Variants in EIF4G3 observed in about 807,000 individuals in gnomAD.
The protein encoded by EIF4G3 is eukaryotic translation initiation factor 4 gamma 3, also known as eIF-4-gamma 3.
Under a neutral mutation model 186.4 loss-of-function variants are expected in EIF4G3, and 34 were observed. The ratio of observed to expected loss-of-function variants is 0.18; its 90% confidence interval spans 0.14 to 0.24. The LOEUF (loss-of-function observed/expected upper bound fraction) is 0.24. Ranked by LOEUF, EIF4G3 falls within the 10% of genes least tolerant of loss-of-function variation. The probability of loss-of-function intolerance (pLI) is 1.00; values close to 1 mark genes in which losing one functional copy is unlikely to be tolerated. For synonymous variants in EIF4G3, 673 were observed against 679.5 expected (o/e 0.99, Z 0.15); for missense variants, 1,536 against 1,948.5 (o/e 0.79, Z 3.99).
intron 3 of EIF4G3, among the ~76,000 whole-genome samples, chr1:21,056,551 T>C (rs1052366802): frequency 6.6e-6 from 1 of 152,166 alleles, no homozygotes; most frequent in Non-Finnish European, 1.5e-5. Flanking sequence ...GCTAATAAAA[T>C]TGTCATAGAT....
chr1:20,961,414 G>A lies in EIF4G3; in HGVS notation c.714+8060C>T, dbSNP rs77180348. Among the ~76,000 whole-genome samples the A allele has an allele frequency of 5.6e-3, 854 of 152,176 alleles. 13 individuals are homozygous for A. The highest frequency in any genetic ancestry group is 0.024 in the East Asian group (126 of 5,188). Reference sequence around the variant, plus strand: ...TAATAATAATAATTTTTATTACTGCGTAACAGATGTACACAGTTTCAGTGT... The same window carrying A: ...TAATAATAATAATTTTTATTACTGCATAACAGATGTACACAGTTTCAGTGT... On this transcript the variant is annotated intron_variant, in intron 12 of 36. Transcript: ENST00000602326.
intron 20 of EIF4G3, among the ~76,000 whole-genome samples, chr1:20,868,090 C>CTTTTTTTTTTTTTTTTTTTTTTTTT (rs66560662): frequency 1.1e-5 from 1 of 90,416 alleles, no homozygotes; most frequent in East Asian, 4.0e-4. Context: ...TGGTGATTTT[C>CTTTTTTTTTTTTTTTTTTTTTTTTT]TTTTTTTTTT....
chr1:21,117,733 T>C (rs886213476), intron 2 of EIF4G3, among the ~76,000 whole-genome samples: 29 of 29,440 alleles, frequency 9.9e-4, no homozygotes, highest in Admixed American at 4.0e-3. Flanking sequence ...TCCCAGTATA[T>C]AGTAAAAAAA....
rs139177133 is a variant in EIF4G3 at position 20,814,150 on chromosome 1, G to C, written c.4516-911C>G. ...CTCAGCTAATTTTTTAGTACTTTTA[G>C]TAGAGATGGGGTTTCACTATGTTGG... On this transcript the variant is annotated intron_variant, in intron 34 of 36. Transcript: ENST00000602326. Among the ~76,000 whole-genome samples the C allele has an allele frequency of 5.8e-3, 882 of 151,784 alleles. 8 individuals carry two copies. The highest frequency in any genetic ancestry group is 0.029 in the South Asian group (139 of 4,800).
Position 20,886,289 on chromosome 1 carries a change from T to C in EIF4G3, c.2336A>G (p.Asp779Gly). The change falls in exon 19 of 37, where the codon GAT (aspartate) becomes GGT (glycine). Residue 779 changes from aspartate (D) to glycine (G), a missense_variant. By Grantham distance (94) the Asp-to-Gly change is moderately conservative. Around this residue, in one of 11 missense-constraint regions of EIF4G3, gnomAD observed 139 missense variants for 192.8 expected, o/e 0.72. Coordinates refer to ENST00000602326, the MANE Select transcript of EIF4G3 (RefSeq NM_001391906.1). Reference sequence around the variant, plus strand: ...ATTTTCTGCCTTTTTCAGGTGTACATCTTCTTTTACAGAAACTGTGATGAT... The same window carrying C: ...ATTTTCTGCCTTTTTCAGGTGTACACCTTCTTTTACAGAAACTGTGATGAT... ...RKIITVSVKE[D>G]VHLKKAENAW... is the part of the protein sequence containing the mutation. The C allele has an allele frequency of 6.2e-7, 1 of 1,614,146 alleles. No homozygotes were observed. Among genetic ancestry groups the C allele is most frequent in the South Asian group, 1.1e-5 (1 of 91,076 alleles).
intron 4 of EIF4G3, among the ~76,000 whole-genome samples, chr1:21,020,605 G>T (rs190336656): frequency 1.3e-5 from 2 of 152,290 alleles, no homozygotes; most frequent in East Asian, 3.9e-4. Context: ...CATTTCAAAC[G>T]ATGTCCAAGT....
intron 31 of EIF4G3, 65 bp downstream of exon 31, chr1:20,829,082 A>C: frequency 1.3e-6 from 2 of 1,545,202 alleles, no homozygotes; most frequent in Non-Finnish European, 1.8e-6. Flanking sequence ...TATGATAGAG[A>C]GCTAGCAAGT....
intron 4 of EIF4G3, among the ~76,000 whole-genome samples, chr1:21,047,449 C>A (rs1317656689): frequency 3.3e-5 from 5 of 152,144 alleles, no homozygotes; most frequent in Non-Finnish European, 1.5e-5. Context: ...AAGTCTCATT[C>A]CTCACCTTCC....
intron 14 of EIF4G3, among the ~76,000 whole-genome samples, chr1:20,910,565 A>C (rs1432673913): frequency 6.6e-6 from 1 of 152,242 alleles, no homozygotes; most frequent in East Asian, 1.9e-4. Flanking sequence ...CCTGGGCGAC[A>C]GTGTGAGACT....
chr1:21,101,562 G>GAAAAAGAAA (rs769715669), intron 2 of EIF4G3, among the ~76,000 whole-genome samples: 1 of 35,370 alleles, frequency 2.8e-5, no homozygotes, highest in Non-Finnish European at 5.3e-5. Flanking sequence ...AGGGTCTCAG[G>GAAAAAGAAA]AAAAAAAAAA....
intron 3 of EIF4G3, among the ~76,000 whole-genome samples, chr1:21,087,478 A>G (rs1459848851): frequency 1.3e-5 from 2 of 152,108 alleles, no homozygotes; most frequent in African/African-American, 4.8e-5. Flanking sequence ...CCCTTCATTT[A>G]TGAATTTGAA....
At chr1:20,875,916 G>C (rs2080630591) in intron 20 of EIF4G3, among the ~76,000 whole-genome samples, 1 of 151,868 alleles carries the variant, frequency 6.6e-6, no homozygotes, top group Non-Finnish European at 1.5e-5. Flanking sequence ...AAAGGAAAGG[G>C]AAGGGGAAGG....
At chr1:20,815,516 T>G (rs1374156598) in intron 34 of EIF4G3, among the ~76,000 whole-genome samples, 1 of 147,856 alleles carries the variant, frequency 6.8e-6, no homozygotes, top group Non-Finnish European at 1.5e-5. Context: ...GGCCGCCCCG[T>G]CTGAGAAGTG....
Position 20,857,408 on chromosome 1 carries a change from T to C in EIF4G3, c.3334A>G (p.Thr1112Ala), listed in dbSNP as rs752648529. The C allele has an allele frequency of 1.9e-6, 3 of 1,613,618 alleles. No individual in the cohort carries two copies. In the Admixed American group the frequency reaches 5.0e-5, roughly 27 times the overall value. Residue 1112 changes from threonine to alanine, a missense_variant, in exon 25 of 37, where the codon ACT becomes GCT. Thr to Ala is a moderately conservative substitution (Grantham distance 58). Coordinates refer to ENST00000602326, the MANE Select transcript of EIF4G3 (RefSeq NM_001391906.1). ...VLDPSKFLKITKPTIDEKIQL... is the reference protein window; with the variant it reads ...VLDPSKFLKIAKPTIDEKIQL... Reference sequence around the variant, plus strand: ...ACTTTAAATGTCAGACTCACCTTAGTGATTTTTAGGAATTTTGAGGGGTCC... The same window carrying C: ...ACTTTAAATGTCAGACTCACCTTAGCGATTTTTAGGAATTTTGAGGGGTCC...
At chr1:21,123,058 T>C (rs1264758226) in intron 2 of EIF4G3, among the ~76,000 whole-genome samples, 2 of 152,160 alleles carry the variant, frequency 1.3e-5, no homozygotes, top group Non-Finnish European at 2.9e-5. Flanking sequence ...TCTTGTGTCT[T>C]CCATTATCAT....
chr1:21,095,851 C>T (rs576958421), intron 2 of EIF4G3, among the ~76,000 whole-genome samples: 28 of 151,712 alleles, frequency 1.8e-4, no homozygotes, highest in Admixed American at 1.3e-3. Context: ...CTGCTGACTA[C>T]GCTGTTATTT....
At chr1:21,146,741 G>C (rs2097450276) in intron 2 of EIF4G3, among the ~76,000 whole-genome samples, 1 of 151,906 alleles carries the variant, frequency 6.6e-6, no homozygotes, top group Non-Finnish European at 1.5e-5. Flanking sequence ...TGGACAACAA[G>C]AGCAAAACTC....
At chr1:21,111,476 G>A (rs886316791) in intron 2 of EIF4G3, 1 of 425,756 alleles carries the variant, frequency 2.3e-6, no homozygotes, top group Admixed American at 2.8e-5. Context: ...TAAAGATCAT[G>A]AGTTTTCCTT....
chr1:21,134,537 G>T (rs2102554898), intron 2 of EIF4G3, among the ~76,000 whole-genome samples: 2 of 152,214 alleles, frequency 1.3e-5, no homozygotes, highest in East Asian at 3.9e-4. Context: ...AGACATGGTG[G>T]TGCACACTTG....
Sources: gnomAD v4.1 joint callset for allele counts (sites outside exome capture counted in the v4.1 genomes callset) on GRCh38, gnomAD v4.1.1 for gene constraint, gnomAD v4.1.1 regional missense constraint, MANE v1.5 for transcripts, NCBI Gene and HGNC (gene_info 2026-07-23, HGNC 2026-07-21) for gene names.